Variants in CDH13 observed in about 807,000 individuals in gnomAD.
CDH13 encodes cadherin-13.
In CDH13, 24 loss-of-function variants were observed where a neutral mutation model predicts 63.8. The observed-to-expected ratio is 0.38, with a 90% CI of 0.27 to 0.53. CDH13 has a LOEUF of 0.53. CDH13 is among the 20% of genes least tolerant of loss of function. The pLI is 0.85. For missense variants in CDH13, 1,049 were observed against 903.1 expected (o/e 1.16, Z -2.07); for synonymous variants, 503 against 355.3 (o/e 1.42, Z -4.67).
At chr16:83,470,683 A>AGG (rs1221482151) in intron 6 of CDH13, among the ~76,000 whole-genome samples, 1 of 152,052 alleles carries the variant, frequency 6.6e-6, no homozygotes, top group African/African-American at 2.4e-5. Context: ...AGCCACCACA[A>AGG]CCACAGGCTC....
At chr16:83,039,889 T>C (rs1452899203) in intron 3 of CDH13, among the ~76,000 whole-genome samples, 1 of 152,114 alleles carries the variant, frequency 6.6e-6, no homozygotes, top group Admixed American at 6.6e-5. Flanking sequence ...CCATTGATGC[T>C]TCAGAACCAG....
chr16:83,478,578 C>G (rs1429843720), intron 6 of CDH13, among the ~76,000 whole-genome samples: 1 of 152,194 alleles, frequency 6.6e-6, no homozygotes, highest in Non-Finnish European at 1.5e-5. Context: ...CCCTGGATAA[C>G]TGGGCAACCC....
At chr16:82,685,422 C>T (rs964225324) in intron 1 of CDH13, among the ~76,000 whole-genome samples, 4 of 152,162 alleles carry the variant, frequency 2.6e-5, no homozygotes, top group African/African-American at 7.2e-5. Context: ...CTAATCACCT[C>T]CCAAAGGCCC....
chr16:83,261,874 G>A (rs866076083), intron 5 of CDH13, among the ~76,000 whole-genome samples: 3 of 152,046 alleles, frequency 2.0e-5, no homozygotes, highest in African/African-American at 7.2e-5. Context: ...AGAGGCAGTG[G>A]GAGGAGTCAC....
chr16:82,643,675 A>G (rs1909704171), intron 1 of CDH13, among the ~76,000 whole-genome samples: 1 of 152,230 alleles, frequency 6.6e-6, no homozygotes, highest in African/African-American at 2.4e-5. Flanking sequence ...TTATTCTCAT[A>G]GTAGCCTACC....
intron 5 of CDH13, among the ~76,000 whole-genome samples, chr16:83,334,323 T>C (rs1310208112): frequency 7.0e-6 from 1 of 143,814 alleles, no homozygotes; most frequent in Non-Finnish European, 1.5e-5. Flanking sequence ...TCTCCCTATC[T>C]CCCTCTCTCC....
chr16:82,777,823 T>C (rs1036299704), intron 1 of CDH13, among the ~76,000 whole-genome samples: 1 of 152,192 alleles, frequency 6.6e-6, no homozygotes, highest in Non-Finnish European at 1.5e-5. Context: ...CTGAGGGCTT[T>C]GCTTCCTTGC....
At chr16:83,081,166 C>T (rs531374771) in intron 3 of CDH13, among the ~76,000 whole-genome samples, 2 of 151,948 alleles carry the variant, frequency 1.3e-5, no homozygotes, top group African/African-American at 4.8e-5. Flanking sequence ...TAAGCATGAG[C>T]CACCGCACCT....
chr16:82,704,123 A>C (rs975890179), intron 1 of CDH13, among the ~76,000 whole-genome samples: 5 of 152,152 alleles, frequency 3.3e-5, no homozygotes, highest in Admixed American at 6.5e-5. Flanking sequence ...TCTAAACTCT[A>C]AAACTGCAAG....
chr16:83,581,035 A>T (rs1224576610), intron 7 of CDH13, among the ~76,000 whole-genome samples: 1 of 152,224 alleles, frequency 6.6e-6, no homozygotes, highest in African/African-American at 2.4e-5. Context: ...GTTTATTTTT[A>T]AAATGCTTTT....
Position 83,795,399 on chromosome 16 carries a change from C to T in CDH13, c.*369C>T, listed in dbSNP as rs1904276460. ...TTAGTATTGGTGTATGTATGAGTAT[C>T]TGTATGTATATATACACGGTATTTA... On this transcript the variant is annotated 3_prime_UTR_variant, in exon 14 of 14. Coordinates refer to ENST00000567109, the MANE Select transcript of CDH13 (RefSeq NM_001257.5). 4.0e-6 allele frequency: 1 copy of T among 247,646 alleles called. No homozygotes were observed. The highest frequency in any genetic ancestry group is 2.3e-5 in the African/African-American group (1 of 44,238). The allele number at this position is 247,646 out of a possible 1,614,324, so 15.3% of individuals were successfully genotyped here.
chr16:83,510,398 C>T (rs1299359393), intron 7 of CDH13, among the ~76,000 whole-genome samples: 1 of 152,082 alleles, frequency 6.6e-6, no homozygotes, highest in African/African-American at 2.4e-5. Flanking sequence ...CCTTCTGCAG[C>T]CCACAAAATG....
intron 2 of CDH13, among the ~76,000 whole-genome samples, chr16:82,968,086 C>A (rs149526563): frequency 6.6e-6 from 1 of 152,178 alleles, no homozygotes; most frequent in African/African-American, 2.4e-5. Flanking sequence ...AAAGCTCCCC[C>A]CAACTTAAGA....
At chr16:83,072,906 C>G (rs1422218209) in intron 3 of CDH13, among the ~76,000 whole-genome samples, 1 of 152,160 alleles carries the variant, frequency 6.6e-6, no homozygotes, top group Non-Finnish European at 1.5e-5. Context: ...TCTGTGGGCT[C>G]TCATATTCCT....
In CDH13 at chr16:82,753,372, T is replaced by G. The variant is rs552740911; in HGVS notation, c.46-104990T>G. On this transcript the variant is annotated intron_variant, in intron 1 of 13. Coordinates refer to ENST00000567109, the MANE Select transcript of CDH13 (RefSeq NM_001257.5). Reference sequence around the variant, plus strand: ...CCTACCTCTTCAGACATCTCTTCTCTGGCTCTTCCCCTTAACCCCTAACTG... The same window carrying G: ...CCTACCTCTTCAGACATCTCTTCTCGGGCTCTTCCCCTTAACCCCTAACTG... Among the ~76,000 whole-genome samples the G allele has an allele frequency of 5.3e-5, 8 of 152,336 alleles. No homozygotes were observed. In the South Asian group the frequency reaches 1.7e-3, roughly 32 times the overall value.
chr16:82,672,534 T>A (rs1306627027), intron 1 of CDH13, among the ~76,000 whole-genome samples: 3 of 151,984 alleles, frequency 2.0e-5, no homozygotes, highest in Admixed American at 1.3e-4. Context: ...CCAGTATCAT[T>A]CTTGGCTCTT....
chr16:83,319,941 G>A (rs984301688), intron 5 of CDH13, among the ~76,000 whole-genome samples: 55 of 152,168 alleles, frequency 3.6e-4, no homozygotes, highest in Admixed American at 2.0e-4. Flanking sequence ...GACAGTAGAC[G>A]TTAGGCATCA....
At chr16:82,849,868 G>T (rs1425252529) in intron 1 of CDH13, among the ~76,000 whole-genome samples, 11 of 152,192 alleles carry the variant, frequency 7.2e-5, no homozygotes, top group Non-Finnish European at 4.4e-5. Context: ...CAGTACATCT[G>T]TTTACAACAT....
chr16:82,750,312 A>T (rs1317078861), intron 1 of CDH13, among the ~76,000 whole-genome samples: 1 of 151,988 alleles, frequency 6.6e-6, no homozygotes, highest in Non-Finnish European at 1.5e-5. Context: ...TCCAGGAAGG[A>T]TGTCTGGTCT....
Sources: gnomAD v4.1 joint callset for allele counts (sites outside exome capture counted in the v4.1 genomes callset) on GRCh38, gnomAD v4.1.1 for gene constraint, MANE v1.5 for transcripts, NCBI Gene and HGNC (gene_info 2026-07-23, HGNC 2026-07-21) for gene names.